NUP153: variants seen among roughly 807,000 people sequenced by gnomAD.
The protein encoded by NUP153 is nuclear pore complex protein Nup153.
In NUP153, 27 loss-of-function variants were observed where a neutral mutation model predicts 134.6. The ratio of observed to expected loss-of-function variants is 0.20; its 90% CI spans 0.15 to 0.28. NUP153 has a LOEUF of 0.28. Among genes scored for constraint, NUP153 ranks in the 10% least tolerant of loss-of-function variants. NUP153 has a pLI of 1.00. For missense variants in NUP153, 1,821 were observed against 1,731.3 expected (o/e 1.05, Z -0.92); for synonymous variants, 640 against 623.5 (o/e 1.03, Z -0.40).
chr6:17,620,214 G>T (rs1764577619), intron 20 of NUP153, among the ~76,000 whole-genome samples: 1 of 151,396 alleles, frequency 6.6e-6, no homozygotes, highest in African/African-American at 2.4e-5. Context: ...AAAAGCTGAG[G>T]TATCATACTA....
chr6:17,637,769 A>T lies in NUP153; in HGVS notation c.1848T>A (p.Gly616=), dbSNP rs751868977. 1 of 1,594,264 alleles carries T rather than the reference A, an allele frequency of 6.3e-7. No individual in the cohort carries two copies. Among genetic ancestry groups the T allele is most frequent in the Admixed American group, 1.7e-5 (1 of 59,154 alleles). The change falls in exon 16 of 22, where the codon GGT becomes GGA. Residue 616 remains glycine, a splice_region_variant and synonymous_variant. Transcript: ENST00000262077. ...CAGAATCTATCTTCGGCGATGCGAAACCTACAATGAACGAAGGAGAGAGTG... is the reference window on the plus strand; with the variant it reads ...CAGAATCTATCTTCGGCGATGCGAATCCTACAATGAACGAAGGAGAGAGTG... ...GSVLDILKSP[G]FASPKIDSVA... is the part of the protein sequence containing the mutation.
intron 13 of NUP153, among the ~76,000 whole-genome samples, chr6:17,646,501 T>C (rs551941175): frequency 5.9e-5 from 9 of 152,020 alleles, no homozygotes; most frequent in South Asian, 4.2e-4. Context: ...CCACCGCGCC[T>C]GGCCCAAATA....
At chr6:17,655,453 T>A (rs1766758046) in intron 11 of NUP153, among the ~76,000 whole-genome samples, 1 of 123,904 alleles carries the variant, frequency 8.1e-6, no homozygotes, top group East Asian at 3.3e-4. Flanking sequence ...TTAATCTTAT[T>A]ATTACTTTTT....
intron 20 of NUP153, among the ~76,000 whole-genome samples, chr6:17,623,123 C>T (rs1448796751): frequency 1.4e-5 from 2 of 139,992 alleles, no homozygotes; most frequent in African/African-American, 5.3e-5. Flanking sequence ...CAGTGAGATT[C>T]TGTCTCAAAA....
chr6:17,688,060 A>C (rs1769043416), intron 2 of NUP153, among the ~76,000 whole-genome samples: 1 of 152,172 alleles, frequency 6.6e-6, no homozygotes, highest in Non-Finnish European at 1.5e-5. Flanking sequence ...CGGAGCTTGC[A>C]GTGAGCAGAG....
chr6:17,704,541 G>C (rs547377463), intron 1 of NUP153, among the ~76,000 whole-genome samples: 1 of 152,012 alleles, frequency 6.6e-6, no homozygotes, highest in South Asian at 2.1e-4. Context: ...AAATCTGCTC[G>C]CAAATACCCC....
At chr6:17,622,652 T>C (rs1764705492) in intron 20 of NUP153, among the ~76,000 whole-genome samples, 1 of 152,066 alleles carries the variant, frequency 6.6e-6, no homozygotes, top group Non-Finnish European at 1.5e-5. Context: ...AAATTGACTT[T>C]TTCTTTGTAT....
chr6:17,656,208 A>C (rs1766815185), intron 11 of NUP153, among the ~76,000 whole-genome samples: 1 of 152,212 alleles, frequency 6.6e-6, no homozygotes, highest in Non-Finnish European at 1.5e-5. Context: ...CTGACAAATA[A>C]ATAAACAAAC....
chr6:17,680,994 T>C lies in NUP153; in HGVS notation c.335-5224A>G, dbSNP rs1035090283. ...TCTGCACTCGCAGCACTATTCACAA[T>C]AGCCAAGATACGGAATTGACCTAAG... On this transcript the variant is annotated intron_variant, in intron 2 of 21. Coordinates refer to ENST00000262077, the MANE Select transcript of NUP153 (RefSeq NM_005124.4). The surrounding 1 kb of genome is among the most constrained non-coding windows in gnomAD (Gnocchi z 4.5). 4.6e-5 allele frequency among the ~76,000 whole-genome samples: 7 copies of C among 151,986 alleles called. No homozygotes were observed. Among genetic ancestry groups the C allele is most frequent in the South Asian group, 4.1e-4 (2 of 4,826 alleles).
Position 17,628,316 on chromosome 6 carries a change from T to A in NUP153, c.3544+339A>T, listed in dbSNP as rs1203529822. ...ATAGATTATGGTAGAAAATACTTCA[T>A]AAGCTAAGAATCCTTATTTTCCAGG... On this transcript the variant is annotated intron_variant, in intron 18 of 21. Transcript: ENST00000262077. This position sits in a 1 kb window ranked among gnomAD's most constrained non-coding sequence, Gnocchi z 5.4. Among the ~76,000 whole-genome samples, 1 of 152,182 alleles carries A rather than the reference T, an allele frequency of 6.6e-6. No individual in the cohort carries two copies. Among genetic ancestry groups the A allele is most frequent in the African/African-American group, 2.4e-5 (1 of 41,448 alleles).
intron 1 of NUP153, among the ~76,000 whole-genome samples, chr6:17,705,990 T>A (rs1232542002): frequency 6.6e-6 from 1 of 152,094 alleles, no homozygotes; most frequent in Admixed American, 6.5e-5. Flanking sequence ...GCGCGCATCA[T>A]GGGCCTACAA....
intron 14 of NUP153, among the ~76,000 whole-genome samples, chr6:17,641,545 A>AAAACAAAAC (rs1765841018): frequency 1.3e-5 from 2 of 151,720 alleles, no homozygotes; most frequent in African/African-American, 4.9e-5. Flanking sequence ...AAAACAAAAC[A>AAAACAAAAC]AAACAAACAA....
At chr6:17,640,756 A>C (rs976381677) in intron 14 of NUP153, among the ~76,000 whole-genome samples, 2 of 152,108 alleles carry the variant, frequency 1.3e-5, no homozygotes, top group Non-Finnish European at 2.9e-5. Flanking sequence ...AGCCAGGAAC[A>C]CAGGCGCATG....
rs553159044 is a variant in NUP153 at position 17,617,597 on chromosome 6, C to T, written c.4175-902G>A. Among the ~76,000 whole-genome samples, 6 of 152,012 alleles carry T rather than the reference C, an allele frequency of 3.9e-5. No homozygotes were observed. In the South Asian group the frequency reaches 1.0e-3, roughly 26 times the overall value. On this transcript the variant is annotated intron_variant, in intron 20 of 21. Coordinates refer to ENST00000262077, the MANE Select transcript of NUP153 (RefSeq NM_005124.4). ...GTGACTCATGCGTATAATCCTAGCACTTTGGGAGGCCAAGGCAGGTGGACT... is the reference window on the plus strand; with the variant it reads ...GTGACTCATGCGTATAATCCTAGCATTTTGGGAGGCCAAGGCAGGTGGACT...
chr6:17,702,236 G>C (rs1770158623), intron 1 of NUP153, among the ~76,000 whole-genome samples: 2 of 152,130 alleles, frequency 1.3e-5, no homozygotes, highest in South Asian at 4.1e-4. Context: ...GGCCGGGCGA[G>C]GTAGCTCATG....
chr6:17,632,846 T>TAAAAAAAA lies in NUP153; in HGVS notation c.2465-10_2465-3dup. 21 of 864,544 alleles carry TAAAAAAAA rather than the reference T, an allele frequency of 2.4e-5. No individual in the cohort carries two copies. The highest frequency in any genetic ancestry group is 4.1e-5 in the Admixed American group (1 of 24,618). 53.6% of individuals were successfully genotyped at this position (864,544 alleles called of 1,614,324 possible). A position where few individuals can be genotyped will look rare whatever the true frequency, so the allele number is the denominator to read the frequency against. On this transcript the variant is annotated splice_polypyrimidine_tract_variant and splice_region_variant and intron_variant, in intron 16 of 21. Coordinates refer to ENST00000262077, the MANE Select transcript of NUP153 (RefSeq NM_005124.4). ...TACTTGAAGCAGGTACTGAACTTCC[T>TAAAAAAAA]AAAAAAAAAAAAAAAAACGGGGAGT...
chr6:17,637,597 T>C lies in NUP153; in HGVS notation c.2020A>G (p.Thr674Ala). The change falls in exon 16 of 22, where the codon ACA becomes GCA. Residue 674 changes from threonine (T) to alanine (A), a missense_variant. Coordinates refer to ENST00000262077, the MANE Select transcript of NUP153 (RefSeq NM_005124.4). ...TGACAGGCTATGCATTTGTTGTCTG[T>C]AACTTTGTTCTGGAGTAGACATGTA... is the stretch of plus-strand genomic sequence containing the variant. ...CDTCLLQNKV[T>A]DNKCIACQAA... is the part of the protein sequence containing the mutation. 1 of 1,614,162 alleles carries C rather than the reference T, an allele frequency of 6.2e-7. No individual in the cohort carries two copies. The highest frequency in any genetic ancestry group is 1.7e-5 in the Admixed American group (1 of 60,024).
intron 11 of NUP153, among the ~76,000 whole-genome samples, chr6:17,657,385 T>TAAA (rs151192201): frequency 1.5e-5 from 2 of 137,896 alleles, no homozygotes; most frequent in African/African-American, 5.6e-5. Context: ...TCTACTAAAA[T>TAAA]AAAAAAATAA....
At position 17,629,540 on chromosome 6, in the gene NUP153, C is replaced by T; in HGVS notation, c.2660-1G>A. On this transcript the variant is annotated splice_acceptor_variant, in intron 17 of 21. Transcript: ENST00000262077. LOFTEE classifies it high-confidence loss of function. ...GAAGATGAGGAAGATGTGTCAAAGCCTACAAAAATATAAAAGACACCACAT... is the reference window on the plus strand; with the variant it reads ...GAAGATGAGGAAGATGTGTCAAAGCTTACAAAAATATAAAAGACACCACAT... The T allele has an allele frequency of 6.3e-7, 1 of 1,577,862 alleles. No individual in the cohort carries two copies. The highest frequency in any genetic ancestry group is 8.6e-7 in the Non-Finnish European group (1 of 1,169,002).
Sources: allele counts gnomAD v4.1 joint callset (sites outside exome capture counted in the v4.1 genomes callset), GRCh38; gene constraint gnomAD v4.1.1; non-coding constraint Gnocchi (gnomAD v3.1); transcripts MANE v1.5; gene names NCBI Gene and HGNC (gene_info 2026-07-23, HGNC 2026-07-21).